The following PRELID2 variants were observed in gnomAD, a reference collection of about 807,000 sequenced individuals.
PRELID2 encodes the protein PRELI domain containing 2, also known as PRELI domain-containing protein 2.
Under a neutral mutation model 28.4 loss-of-function variants are expected in PRELID2, and 25 were observed. The ratio of observed to expected loss-of-function variants is 0.88; its 90% CI spans 0.64 to 1.23. PRELID2 has a LOEUF of 1.23. Ranked by LOEUF, PRELID2 falls within the 50% of genes most tolerant of loss-of-function variation. PRELID2 has a pLI of 0.00. For missense variants in PRELID2, 201 were observed against 214.4 expected (o/e 0.94, Z 0.39); for synonymous variants, 76 against 71.6 (o/e 1.06, Z -0.31).
the PRELID2 span, among the ~76,000 whole-genome samples, chr5:145,462,426 C>T: frequency 1.3e-5 from 2 of 152,206 alleles, no homozygotes; most frequent in African/African-American, 4.8e-5. Flanking sequence ...GCTGATTTAA[C>T]TTTACATTGA....
At chr5:145,652,024 G>A (rs185058799) in intron 1 of PRELID2, among the ~76,000 whole-genome samples, 1 of 152,208 alleles carries the variant, frequency 6.6e-6, no homozygotes, top group Admixed American at 6.6e-5. Context: ...TAGACAGATG[G>A]CTAACCAAAA....
chr5:145,669,401 C>A (rs897092996), intron 1 of PRELID2, among the ~76,000 whole-genome samples: 6 of 151,996 alleles, frequency 3.9e-5, no homozygotes. Flanking sequence ...TCAGATAAAC[C>A]AGGGGTCTTT....
At position 145,612,857 on chromosome 5, in the gene PRELID2, G is replaced by C. The variant is rs1753637575; in HGVS notation, n.71-139542C>G. On this transcript the variant is annotated intron_variant and non_coding_transcript_variant, in intron 1 of 2. Transcript: ENST00000510259. Reference sequence around the variant, plus strand: ...ACCACAGTTTCTTTATCCACTTGTTGATTGGTGGACATTTGGGTTGGTTCC... The same window carrying C: ...ACCACAGTTTCTTTATCCACTTGTTCATTGGTGGACATTTGGGTTGGTTCC... Among the ~76,000 whole-genome samples, 5 of 152,134 alleles carry C rather than the reference G, an allele frequency of 3.3e-5. No individual in the cohort carries two copies. The South Asian group carries it at 6.2e-4, about 19-fold the overall frequency.
chr5:145,760,979 C>T (rs1757446724), intron 6 of PRELID2, among the ~76,000 whole-genome samples: 1 of 152,196 alleles, frequency 6.6e-6, no homozygotes. Flanking sequence ...CATTTTGGCT[C>T]ATGACAAAAA....
intron 1 of PRELID2, among the ~76,000 whole-genome samples, chr5:145,701,918 G>T (rs1231067150): frequency 6.6e-6 from 1 of 152,030 alleles, no homozygotes; most frequent in African/African-American, 2.4e-5. Flanking sequence ...GGGCGTGGTG[G>T]CACATGCCTG....
chr5:145,274,291 A>G, the PRELID2 span, among the ~76,000 whole-genome samples: 2 of 152,158 alleles, frequency 1.3e-5, no homozygotes, highest in South Asian at 4.1e-4. Flanking sequence ...CTGAGATTGT[A>G]TTTGCATTGC....
At chr5:145,664,389 C>T (rs1225062696) in intron 1 of PRELID2, among the ~76,000 whole-genome samples, 2 of 152,060 alleles carry the variant, frequency 1.3e-5, no homozygotes, top group Non-Finnish European at 2.9e-5. Flanking sequence ...TGAAGAAGGC[C>T]ATCAGAACCT....
chr5:145,472,492 T>G (rs1752063815), intron 2 of PRELID2, among the ~76,000 whole-genome samples: 1 of 152,116 alleles, frequency 6.6e-6, no homozygotes, highest in African/African-American at 2.4e-5. Context: ...CTAATTACAT[T>G]AAAGATGAAT....
At chr5:145,589,137 T>C (rs1394119948) in intron 1 of PRELID2, among the ~76,000 whole-genome samples, 1 of 152,158 alleles carries the variant, frequency 6.6e-6, no homozygotes, top group Non-Finnish European at 1.5e-5. Flanking sequence ...AAATTCTCTG[T>C]GTGCCTAACC....
At chr5:145,237,080 T>G in the PRELID2 span, among the ~76,000 whole-genome samples, 1 of 152,084 alleles carries the variant, frequency 6.6e-6, no homozygotes, top group Non-Finnish European at 1.5e-5. Context: ...CTGCCAACCC[T>G]CTTGTTCTTC....
chr5:145,594,104 G>A (rs959091989), intron 1 of PRELID2, among the ~76,000 whole-genome samples: 15 of 152,084 alleles, frequency 9.9e-5, no homozygotes, highest in African/African-American at 2.4e-4. Flanking sequence ...GGAAAGATGG[G>A]CTGTGAGATT....
At chr5:145,365,972 T>A in the PRELID2 span, among the ~76,000 whole-genome samples, 1 of 151,850 alleles carries the variant, frequency 6.6e-6, no homozygotes, top group Non-Finnish European at 1.5e-5. Flanking sequence ...TCTCTAGACA[T>A]CCTGGCAAAA....
intron 1 of PRELID2, among the ~76,000 whole-genome samples, chr5:145,583,111 T>A (rs1231481256): frequency 6.6e-6 from 1 of 152,160 alleles, no homozygotes; most frequent in Non-Finnish European, 1.5e-5. Context: ...GTTGGCTTCA[T>A]CCCTGGGATG....
chr5:145,746,764 A>C (rs1757001648), intron 1 of PRELID2, among the ~76,000 whole-genome samples: 1 of 152,234 alleles, frequency 6.6e-6, no homozygotes, highest in Non-Finnish European at 1.5e-5. Flanking sequence ...TTATTCTAAA[A>C]TAGATCACAT....
the PRELID2 span, among the ~76,000 whole-genome samples, chr5:145,248,688 T>C: frequency 2.1e-3 from 324 of 152,118 alleles, 2 homozygotes; most frequent in Middle Eastern, 0.014. Flanking sequence ...TCCCAGCTAC[T>C]TGGGAGGCTG....
the PRELID2 span, among the ~76,000 whole-genome samples, chr5:145,397,817 AG>A: frequency 1.3e-5 from 2 of 152,182 alleles, 1 homozygote; most frequent in South Asian, 4.2e-4. Context: ...GCGAAAACTG[AG>A]TTTCCATGCC....
chr5:145,424,875 T>A, the PRELID2 span, among the ~76,000 whole-genome samples: 1 of 152,088 alleles, frequency 6.6e-6, no homozygotes, highest in African/African-American at 2.4e-5. Context: ...CATTTCATGA[T>A]AAAAATGCCA....
intron 1 of PRELID2, among the ~76,000 whole-genome samples, chr5:145,831,676 A>G (rs777689420): frequency 6.6e-6 from 1 of 152,244 alleles, no homozygotes; most frequent in Non-Finnish European, 1.5e-5. Context: ...AGTGACATGC[A>G]TGATGTTAAC....
the PRELID2 span, among the ~76,000 whole-genome samples, chr5:145,423,127 C>T: frequency 6.6e-6 from 1 of 152,032 alleles, no homozygotes; most frequent in African/African-American, 2.4e-5. Context: ...ATGGGCTTCC[C>T]TGTGAGGGTA....
Sources: gnomAD v4.1 joint callset for allele counts (sites outside exome capture counted in the v4.1 genomes callset) on GRCh38, gnomAD v4.1.1 for gene constraint, MANE v1.5 for transcripts, NCBI Gene and HGNC (gene_info 2026-07-23, HGNC 2026-07-21) for gene names.